DIP2C: variants seen among roughly 807,000 people sequenced by gnomAD.
DIP2C encodes the protein DIP2 acetate--CoA ligase C (putative).
DIP2C carries 33 observed loss-of-function variants against 192.4 expected under a neutral mutation model. The ratio of observed to expected loss-of-function variants is 0.17; its 90% CI spans 0.13 to 0.23. DIP2C has a LOEUF of 0.23. Ranked by LOEUF, DIP2C falls within the 10% of genes least tolerant of loss-of-function variation. The probability of loss-of-function intolerance (pLI) is 1.00; values close to 1 mark genes in which losing one functional copy is unlikely to be tolerated. For missense variants in DIP2C, 1,537 were observed against 2,110.1 expected, an observed-to-expected ratio of 0.73 and a Z score of 5.32; for synonymous variants, 979 against 864.1, an observed-to-expected ratio of 1.13 and a Z score of -2.33.
In DIP2C at chr10:316,508, G is replaced by A. The variant is rs370370405; in HGVS notation, c.3925-6416C>T. 2.0e-3 allele frequency among the ~76,000 whole-genome samples: 298 copies of A among 152,250 alleles called. 1 individual carries two copies. Among genetic ancestry groups the A allele is most frequent in the African/African-American group, 6.1e-3 (252 of 41,534 alleles). The stretch of plus-strand genomic sequence containing the variant: ...CTCCCAGCCTTTGGAAGGCAAATAC[G>A]TTACACATGGTGAAGGGCAAGGGCG... On this transcript the variant is annotated intron_variant, in intron 31 of 36. Coordinates refer to ENST00000280886, the MANE Select transcript of DIP2C (RefSeq NM_014974.3).
At chr10:465,925 G>A (rs534017341) in intron 3 of DIP2C, among the ~76,000 whole-genome samples, 58 of 152,166 alleles carry the variant, frequency 3.8e-4, no homozygotes, top group African/African-American at 1.3e-3. Flanking sequence ...CATGCTCTTG[G>A]GTAGGAAGAA....
chr10:481,716 C>G (rs369110834), intron 2 of DIP2C, among the ~76,000 whole-genome samples: 1 of 152,210 alleles, frequency 6.6e-6, no homozygotes, highest in Non-Finnish European at 1.5e-5. Flanking sequence ...CAGGGCTTCA[C>G]GTGGATCTGA....
chr10:326,389 G>A (rs1164436224), intron 31 of DIP2C, among the ~76,000 whole-genome samples: 1 of 152,118 alleles, frequency 6.6e-6, no homozygotes, highest in African/African-American at 2.4e-5. Context: ...AAGTAGGATA[G>A]GGGGTGGGGA....
intron 28 of DIP2C, among the ~76,000 whole-genome samples, chr10:343,090 A>T (rs1279062710): frequency 1.3e-5 from 2 of 152,126 alleles, no homozygotes; most frequent in Non-Finnish European, 2.9e-5. Context: ...GAGATCGAGA[A>T]CATCCTGGCT....
intron 32 of DIP2C, among the ~76,000 whole-genome samples, chr10:299,461 G>A (rs1385330960): frequency 6.6e-6 from 1 of 152,272 alleles, no homozygotes; most frequent in East Asian, 1.9e-4. Context: ...CATTTTTGAA[G>A]AATAGTGTCC....
intron 1 of DIP2C, among the ~76,000 whole-genome samples, chr10:670,267 C>CACAT (rs1491384645): frequency 1.4e-5 from 2 of 142,350 alleles, no homozygotes; most frequent in African/African-American, 5.7e-5. Flanking sequence ...TGCACATACA[C>CACAT]GCATGCATAT....
intron 1 of DIP2C, among the ~76,000 whole-genome samples, chr10:619,532 C>CAGG (rs750101870): frequency 2.2e-4 from 9 of 40,744 alleles, no homozygotes; most frequent in Middle Eastern, 0.014. Context: ...GGACCAAGCC[C>CAGG]GCCCGCCCGC....
chr10:640,611 G>A (rs1320550636), intron 1 of DIP2C, among the ~76,000 whole-genome samples: 6 of 151,976 alleles, frequency 3.9e-5, no homozygotes, highest in African/African-American at 1.5e-4. Context: ...ACGAGGGTGC[G>A]CGCGGGGAAG....
At chr10:583,473 T>G (rs917532301) in intron 1 of DIP2C, among the ~76,000 whole-genome samples, 2 of 152,250 alleles carry the variant, frequency 1.3e-5, no homozygotes, top group African/African-American at 4.8e-5. Context: ...ATTCTCCTAG[T>G]GAACTTTCAA....
chr10:487,909 A>AG (rs1844142915), intron 1 of DIP2C, among the ~76,000 whole-genome samples: 1 of 152,168 alleles, frequency 6.6e-6, no homozygotes, highest in Non-Finnish European at 1.5e-5. Context: ...CTGACAACAA[A>AG]GGACAATTTC....
Position 415,819 on chromosome 10 carries a change from C to T in DIP2C, c.809G>A (p.Arg270Gln). The change falls in exon 7 of 37, where the codon CGA becomes CAA. Residue 270 changes from arginine (R) to glutamine (Q), a missense_variant. Physicochemically the swap from Arg to Gln is conservative, Grantham distance 43. Around this residue, in one of 4 missense-constraint regions of DIP2C, gnomAD observed 473 missense variants for 539.6 expected, o/e 0.88. Transcript: ENST00000280886. ...GACAAAGAATTCTCGTAAAGGTGGTCGTTTCGGTCGTTTGAGGGTATTGAC... is the reference window on the plus strand; with the variant it reads ...GACAAAGAATTCTCGTAAAGGTGGTTGTTTCGGTCGTTTGAGGGTATTGAC... ...QLVNTLKRPK[R>Q]PPLREFFVDD... The T allele has an allele frequency of 1.2e-6, 2 of 1,613,850 alleles. No individual in the cohort carries two copies. Among genetic ancestry groups the T allele is most frequent in the Middle Eastern group, 1.6e-4 (1 of 6,062 alleles).
intron 1 of DIP2C, among the ~76,000 whole-genome samples, chr10:643,032 C>T (rs1326735435): frequency 6.6e-6 from 1 of 151,288 alleles, no homozygotes; most frequent in Non-Finnish European, 1.5e-5. Flanking sequence ...GGCAAAATCC[C>T]GTCTCTACTA....
At chr10:325,792 G>A (rs1957245085) in intron 31 of DIP2C, among the ~76,000 whole-genome samples, 1 of 152,082 alleles carries the variant, frequency 6.6e-6, no homozygotes, top group Non-Finnish European at 1.5e-5. Flanking sequence ...ACTGACTCTT[G>A]AGAGAAATTT....
In DIP2C at chr10:280,336, C is replaced by T. The variant is rs141779162; in HGVS notation, c.4418+864G>A. Among the ~76,000 whole-genome samples the T allele has an allele frequency of 1.5e-3, 229 of 152,316 alleles. 3 individuals carry two copies. In the East Asian group the frequency reaches 0.018, roughly 12 times the overall value. The stretch of plus-strand genomic sequence containing the variant: ...GCTGTTCATGAGAGTGCAGAACATA[C>T]CTCCCTCAGGGTTTCTGACCTGAGA... On this transcript the variant is annotated intron_variant, in intron 36 of 36. Transcript: ENST00000280886.
In DIP2C at chr10:277,289, A is replaced by G. The variant is rs1256812624; in HGVS notation, c.*36T>C. The G allele has an allele frequency of 5.0e-6, 8 of 1,608,384 alleles. No homozygotes were observed. Among genetic ancestry groups the G allele is most frequent in the Non-Finnish European group, 6.8e-6 (8 of 1,178,046 alleles). ...AGTGGACACGGAGAACAATGTCTAC[A>G]TCTCTAGAAAAGTCCATGGAAGCCA... On this transcript the variant is annotated 3_prime_UTR_variant, in exon 37 of 37. Coordinates refer to ENST00000280886, the MANE Select transcript of DIP2C (RefSeq NM_014974.3).
At chr10:596,787 C>T (rs528573690) in intron 1 of DIP2C, among the ~76,000 whole-genome samples, 1 of 152,342 alleles carries the variant, frequency 6.6e-6, no homozygotes, top group African/African-American at 2.4e-5. Context: ...GGTGGCATCA[C>T]CTGTGCCTGA....
intron 14 of DIP2C, 120 bp downstream of exon 14, chr10:387,623 CAG>C (rs1295078641): frequency 1.2e-6 from 1 of 800,394 alleles, no homozygotes; most frequent in Non-Finnish European, 2.1e-6. Context: ...TGTGGACAGA[CAG>C]TGTGGGGAGG....
intron 1 of DIP2C, among the ~76,000 whole-genome samples, chr10:537,684 G>A (rs560200998): frequency 2.6e-5 from 4 of 152,264 alleles, no homozygotes; most frequent in Admixed American, 1.3e-4. Flanking sequence ...GGGAAGACAC[G>A]AGACACAGGC....
rs1193392170 is a variant in DIP2C, at chr10:423,030, G to C, written c.398C>G (p.Thr133Ser). ...GCCTTCATCTTCTGAGCCAGAAGAG[G>C]TATCTGTGTAAGAAGAAAGGTGATT... is the stretch of plus-strand genomic sequence containing the variant. ...TSMDAYTPPD[T>S]SSGSEDEGSV... Residue 133 changes from threonine to serine, a missense_variant, in exon 5 of 37, where the codon ACC (threonine) becomes AGC (serine). Physicochemically the swap from Thr to Ser is moderately conservative, Grantham distance 58. Coordinates refer to ENST00000280886, the MANE Select transcript of DIP2C (RefSeq NM_014974.3). The C allele has an allele frequency of 6.2e-7, 1 of 1,605,884 alleles. No homozygotes were observed. The highest frequency in any genetic ancestry group is 8.5e-7 in the Non-Finnish European group (1 of 1,175,002).
Sources: gnomAD v4.1 joint callset for allele counts (sites outside exome capture counted in the v4.1 genomes callset) on GRCh38, gnomAD v4.1.1 for gene constraint, gnomAD v4.1.1 regional missense constraint, MANE v1.5 for transcripts, NCBI Gene and HGNC (gene_info 2026-07-23, HGNC 2026-07-21) for gene names.